The following DCC variants were observed in gnomAD, a reference collection of about 807,000 sequenced individuals.
DCC encodes DCC netrin 1 receptor.
Under a neutral mutation model 172.5 loss-of-function variants are expected in DCC, and 58 were observed. That is an observed-to-expected ratio of 0.34 (90% CI 0.27 to 0.42). The LOEUF (loss-of-function observed/expected upper bound fraction) is 0.42. DCC is among the 10% of genes least tolerant of loss of function. The pLI, the probability that DCC is intolerant of heterozygous loss-of-function variation, is 1.00. For missense variants in DCC, 1,740 were observed against 1,791.0 expected (o/e 0.97, Z 0.51); for synonymous variants, 709 against 644.5 (o/e 1.10, Z -1.52).
At chr18:52,945,970 G>T (rs955905793) in intron 5 of DCC, among the ~76,000 whole-genome samples, 1 of 152,134 alleles carries the variant, frequency 6.6e-6, no homozygotes, top group Non-Finnish European at 1.5e-5. Flanking sequence ...AATTGGCCGG[G>T]GCTAAGGGGC....
rs139963293 is a variant in DCC at position 52,524,831 on chromosome 18, T to C, written c.91+183953T>C. ...TAGCAGTTCTATATCAGATAGCATA[T>C]AATAGAAGGCCAAGGGTAATTATTC... On this transcript the variant is annotated intron_variant, in intron 1 of 28. Transcript: ENST00000442544. 7.9e-5 allele frequency among the ~76,000 whole-genome samples: 12 copies of C among 152,224 alleles called. No homozygotes were observed. The East Asian group carries it at 2.3e-3, about 29-fold the overall frequency.
intron 25 of DCC, among the ~76,000 whole-genome samples, chr18:53,483,932 C>T (rs1456998059): frequency 1.3e-5 from 2 of 151,268 alleles, no homozygotes; most frequent in Admixed American, 6.6e-5. Context: ...TTGATCTAAA[C>T]ACTGTGAAAC....
intron 28 of DCC, among the ~76,000 whole-genome samples, chr18:53,527,705 A>T (rs1345698174): frequency 1.3e-5 from 2 of 152,050 alleles, no homozygotes; most frequent in Admixed American, 1.3e-4. Flanking sequence ...TAAGAAAAAA[A>T]AAACATTTAT....
intron 2 of DCC, among the ~76,000 whole-genome samples, chr18:52,902,174 G>T (rs950957216): frequency 8.5e-5 from 13 of 152,142 alleles, no homozygotes; most frequent in African/African-American, 3.1e-4. Context: ...TGTGGAAAAT[G>T]AACCTGAAAG....
At chr18:52,390,170 A>G (rs902104898) in intron 1 of DCC, among the ~76,000 whole-genome samples, 5 of 152,118 alleles carry the variant, frequency 3.3e-5, no homozygotes, top group African/African-American at 1.2e-4. Flanking sequence ...ATCCTGTATC[A>G]GATCTTCAGG....
At chr18:52,775,603 G>A (rs1365393725) in intron 2 of DCC, among the ~76,000 whole-genome samples, 1 of 152,182 alleles carries the variant, frequency 6.6e-6, no homozygotes, top group Non-Finnish European at 1.5e-5. Flanking sequence ...CAACTGCCGG[G>A]TCAAACTCTG....
chr18:52,696,763 T>C (rs1430944668), intron 1 of DCC, among the ~76,000 whole-genome samples: 1 of 152,138 alleles, frequency 6.6e-6, no homozygotes, highest in Non-Finnish European at 1.5e-5. Context: ...GGAGATAAGA[T>C]CAGGTACAAT....
At chr18:53,218,926 G>A (rs1437009182) in intron 12 of DCC, among the ~76,000 whole-genome samples, 5 of 152,010 alleles carry the variant, frequency 3.3e-5, no homozygotes, top group Admixed American at 3.3e-4. Flanking sequence ...CTAATGTTGG[G>A]GCACAAATAT....
At chr18:52,478,916 C>A (rs60407383) in intron 1 of DCC, among the ~76,000 whole-genome samples, 2 of 152,114 alleles carry the variant, frequency 1.3e-5, no homozygotes, top group Non-Finnish European at 2.9e-5. Flanking sequence ...AGATCCAAAC[C>A]GTATCAGGCA....
At chr18:52,824,484 C>G (rs910835855) in intron 2 of DCC, among the ~76,000 whole-genome samples, 1 of 151,980 alleles carries the variant, frequency 6.6e-6, no homozygotes, top group African/African-American at 2.4e-5. Flanking sequence ...GGCTTTAAAT[C>G]TGTATTCATA....
chr18:52,781,651 A>G (rs1225640067), intron 2 of DCC, among the ~76,000 whole-genome samples: 3 of 152,076 alleles, frequency 2.0e-5, no homozygotes, highest in Non-Finnish European at 2.9e-5. Flanking sequence ...GTTATTGATC[A>G]TTTTTCAAAA....
chr18:53,145,303 C>T (rs1027053618), intron 7 of DCC, among the ~76,000 whole-genome samples: 3 of 151,900 alleles, frequency 2.0e-5, no homozygotes, highest in Non-Finnish European at 2.9e-5. Context: ...TTGGAAGAGA[C>T]GGGGTTTCAC....
intron 1 of DCC, among the ~76,000 whole-genome samples, chr18:52,395,935 C>A (rs1986208841): frequency 6.6e-6 from 1 of 152,010 alleles, no homozygotes; most frequent in African/African-American, 2.4e-5. Context: ...ATTTCTAAAC[C>A]TTTCCACAGA....
At chr18:53,481,731 T>C (rs2045834092) in intron 25 of DCC, among the ~76,000 whole-genome samples, 2 of 152,178 alleles carry the variant, frequency 1.3e-5, no homozygotes, top group Admixed American at 6.6e-5. Context: ...TTCTTAAACA[T>C]TGTAGCTTAA....
At chr18:52,714,172 G>A (rs1314754463) in intron 1 of DCC, among the ~76,000 whole-genome samples, 2 of 152,170 alleles carry the variant, frequency 1.3e-5, no homozygotes, top group African/African-American at 4.8e-5. Flanking sequence ...GTAAGAAGCA[G>A]AACAAAGATG....
At chr18:53,332,948 T>C (rs764941358) in intron 14 of DCC, among the ~76,000 whole-genome samples, 9 of 152,150 alleles carry the variant, frequency 5.9e-5, no homozygotes, top group Non-Finnish European at 1.0e-4. Flanking sequence ...TGCATGCCTG[T>C]GGTCCTAGCT....
chr18:53,460,354 A>G (rs1318316321), intron 24 of DCC, among the ~76,000 whole-genome samples: 1 of 138,856 alleles, frequency 7.2e-6, no homozygotes, highest in East Asian at 2.2e-4. Context: ...ATACGTATAC[A>G]TGTGCCATGC....
At chr18:52,862,026 A>G (rs1374716866) in intron 2 of DCC, among the ~76,000 whole-genome samples, 1 of 152,222 alleles carries the variant, frequency 6.6e-6, no homozygotes, top group Non-Finnish European at 1.5e-5. Flanking sequence ...ACAATTTAAC[A>G]TAATCATAAT....
chr18:52,648,965 G>A (rs1349290948), intron 1 of DCC, among the ~76,000 whole-genome samples: 1 of 152,124 alleles, frequency 6.6e-6, no homozygotes, highest in Non-Finnish European at 1.5e-5. Context: ...GGTTTCATAT[G>A]CAATCCCCCT....
Sources: gnomAD v4.1 joint callset for allele counts (sites outside exome capture counted in the v4.1 genomes callset) on GRCh38, gnomAD v4.1.1 for gene constraint, MANE v1.5 for transcripts, NCBI Gene and HGNC (gene_info 2026-07-23, HGNC 2026-07-21) for gene names.